Variants in PTPRF observed in about 807,000 individuals in gnomAD.
The protein encoded by PTPRF is protein tyrosine phosphatase receptor type F.
PTPRF carries 59 observed loss-of-function variants against 201.8 expected under a neutral mutation model. The ratio of observed to expected loss-of-function variants is 0.29; its 90% CI spans 0.24 to 0.36. PTPRF has a LOEUF of 0.36. Ranked by LOEUF, PTPRF falls within the 10% of genes least tolerant of loss-of-function variation. The pLI is 1.00. For missense variants in PTPRF, 2,132 were observed against 2,690.5 expected (o/e 0.79, Z 4.59); for synonymous variants, 1,088 against 1,089.7 (o/e 1.00, Z 0.03).
Position 43,591,957 on chromosome 1 carries a change from CG to C in PTPRF, c.1668+12del. On this transcript the variant is annotated intron_variant, in intron 10 of 33. Coordinates refer to ENST00000359947, the MANE Select transcript of PTPRF (RefSeq NM_002840.5). ...AGGACGAAGACCAACAGGTGTGCAG[CG>C]GGCAGAGAAGCACTGAGGGGGTCTC... The C allele has an allele frequency of 6.2e-7, 1 of 1,613,224 alleles. No homozygotes were observed. Among genetic ancestry groups the C allele is most frequent in the Non-Finnish European group, 8.5e-7 (1 of 1,179,694 alleles).
chr1:43,604,190 G>A lies in PTPRF; in HGVS notation c.3037+1G>A, dbSNP rs779903143. The A allele has an allele frequency of 6.2e-7, 1 of 1,612,842 alleles. No individual in the cohort carries two copies. The highest frequency in any genetic ancestry group is 8.5e-7 in the Non-Finnish European group (1 of 1,179,238). On this transcript the variant is annotated splice_donor_variant, in intron 16 of 33. Coordinates refer to ENST00000359947, the MANE Select transcript of PTPRF (RefSeq NM_002840.5). LOFTEE classifies it high-confidence loss of function. ...TCCCGGACCATGCCGGTGGAGCAAG[G>A]TGTGTGCTGTGGACATGGCATCCCT...
intron 22 of PTPRF, 76 bp from the exon 23 acceptor site, chr1:43,613,542 C>G (rs2154030601): frequency 5.9e-6 from 7 of 1,195,552 alleles, no homozygotes; most frequent in Non-Finnish European, 8.7e-6. Context: ...TGTGCACATA[C>G]ATGCGTTGGG....
At chr1:43,601,512 C>G (rs1653732015) in intron 13 of PTPRF, among the ~76,000 whole-genome samples, 2 of 152,250 alleles carry the variant, frequency 1.3e-5, no homozygotes, top group South Asian at 4.1e-4. Context: ...ACCCCCAACT[C>G]TTACTGTTGT....
upstream of PTPRF, among the ~76,000 whole-genome samples, chr1:43,530,535 G>A (rs1422119609): frequency 6.6e-6 from 1 of 152,136 alleles, no homozygotes; most frequent in Non-Finnish European, 1.5e-5. The surrounding 1 kb of genome is among the most constrained non-coding windows in gnomAD (Gnocchi z 4.1). Context: ...TCAATATTGG[G>A]TTTAGGGCAA....
At chr1:43,597,060 AGT>A (rs1373089563) in intron 11 of PTPRF, among the ~76,000 whole-genome samples, 1 of 151,926 alleles carries the variant, frequency 6.6e-6, no homozygotes, top group Non-Finnish European at 1.5e-5. Context: ...TGTATGTGAC[AGT>A]GTGTGTGTGA....
chr1:43,606,853 G>A lies in PTPRF; in HGVS notation c.3742G>A (p.Val1248Ile), dbSNP rs375842660. The A allele has an allele frequency of 1.2e-6, 2 of 1,614,094 alleles. No individual in the cohort carries two copies. Among genetic ancestry groups the A allele is most frequent in the South Asian group, 1.1e-5 (1 of 91,090 alleles). ...CAGCCCCTACTCGGATGAGATCGTG[G>A]TCCAGGTGACACCAGCCCAGCAGCA... ...ASSPYSDEIV[V>I]QVTPAQQQEE... The change falls in exon 21 of 34, where the codon GTC (valine) becomes ATC (isoleucine). Residue 1248 changes from valine (V) to isoleucine (I), a missense_variant. By Grantham distance (29) the Val-to-Ile change is conservative (BLOSUM62 3). Around this residue, in one of 6 missense-constraint regions of PTPRF, gnomAD observed 818 missense variants for 915.3 expected, o/e 0.89. Transcript: ENST00000359947.
At position 43,553,640 on chromosome 1, in the gene PTPRF, G is replaced by A. The variant is rs1645166620; in HGVS notation, c.237+3G>A. ...AAGTCAGCTCCCAGCGCTTCGAGGTGCGTCTGTGGTGGGAAGGGGTCGGCA... is the reference window on the plus strand; with the variant it reads ...AAGTCAGCTCCCAGCGCTTCGAGGTACGTCTGTGGTGGGAAGGGGTCGGCA... On this transcript the variant is annotated splice_donor_region_variant and intron_variant, in intron 4 of 33. Coordinates refer to ENST00000359947, the MANE Select transcript of PTPRF (RefSeq NM_002840.5). This position sits in a 1 kb window ranked among gnomAD's most constrained non-coding sequence, Gnocchi z 4.1. The A allele has an allele frequency of 1.9e-6, 3 of 1,613,958 alleles. No individual in the cohort carries two copies. The highest frequency in any genetic ancestry group is 3.3e-4 in the Middle Eastern group (2 of 6,082).
At chr1:43,547,468 G>C (rs1014271197) in intron 3 of PTPRF, among the ~76,000 whole-genome samples, 4 of 152,224 alleles carry the variant, frequency 2.6e-5, no homozygotes, top group Non-Finnish European at 4.4e-5. Context: ...CAGGAGCCAG[G>C]GTCTGTCTTC....
chr1:43,558,848 T>G (rs1392888273), intron 5 of PTPRF, among the ~76,000 whole-genome samples: 1 of 151,982 alleles, frequency 6.6e-6, no homozygotes, highest in Non-Finnish European at 1.5e-5. Flanking sequence ...AGTCTGTAAG[T>G]CATGGATTCA....
chr1:43,569,725 T>A lies in PTPRF; in HGVS notation c.515T>A (p.Phe172Tyr). Residue 172 changes from phenylalanine (F) to tyrosine (Y), a missense_variant, in exon 6 of 34, where the codon TTC becomes TAC. This residue lies in a region of PTPRF where 297 missense variants were observed against 454.0 expected (regional missense o/e 0.65). Coordinates refer to ENST00000359947, the MANE Select transcript of PTPRF (RefSeq NM_002840.5). ...PDPEISWFKD[F>Y]LPVDPATSNG... The stretch of plus-strand genomic sequence containing the variant: ...CCTGAGATTTCTTGGTTCAAGGACT[T>A]CCTTCCTGTAGACCCTGCCACGAGC... 1.2e-6 allele frequency: 2 copies of A among 1,613,924 alleles called. No homozygotes were observed. The highest frequency in any genetic ancestry group is 1.7e-6 in the Non-Finnish European group (2 of 1,179,898).
At chr1:43,538,045 AT>A (rs1644132133) in intron 1 of PTPRF, among the ~76,000 whole-genome samples, 152 bp from the exon 2 acceptor site, 1 of 152,088 alleles carries the variant, frequency 6.6e-6, no homozygotes, top group Admixed American at 6.5e-5. Context: ...AAAGATGGGC[AT>A]TTTTACCAGA....
chr1:43,590,933 T>G lies in PTPRF; in HGVS notation c.950-39T>G, dbSNP rs190598697. 8 of 1,553,328 alleles carry G rather than the reference T, an allele frequency of 5.2e-6. No individual in the cohort carries two copies. The East Asian group carries it at 1.8e-4, about 35-fold the overall frequency. ...GTCTAGGGTTGGTTCCTAAGGATCT[T>G]GACCTCGGGCAGCTTTGAGCCTTCC... is the stretch of plus-strand genomic sequence containing the variant. On this transcript the variant is annotated intron_variant, in intron 8 of 33. Transcript: ENST00000359947.
At chr1:43,572,966 C>A (rs935234349) in intron 6 of PTPRF, among the ~76,000 whole-genome samples, 1 of 152,112 alleles carries the variant, frequency 6.6e-6, no homozygotes, top group South Asian at 2.1e-4. Context: ...CCCAGGCCCC[C>A]ACTGACCAGT....
chr1:43,614,876 C>T (rs1040579066), intron 23 of PTPRF, among the ~76,000 whole-genome samples: 1 of 151,428 alleles, frequency 6.6e-6, no homozygotes, highest in African/African-American at 2.4e-5. Context: ...AAAAAAAACT[C>T]TTAAAAAAGA....
In PTPRF at chr1:43,554,317, G is replaced by A. The variant is rs953093125; in HGVS notation, c.379+376G>A. On this transcript the variant is annotated intron_variant, in intron 5 of 33. Coordinates refer to ENST00000359947, the MANE Select transcript of PTPRF (RefSeq NM_002840.5). This position sits in a 1 kb window ranked among gnomAD's most constrained non-coding sequence, Gnocchi z 4.1. ...TGTGGAGCCTGGCCGTAGGTGTCAG[G>A]CAGGTGTGTTCCTTGTTGCCCCTGT... 2.0e-5 allele frequency among the ~76,000 whole-genome samples: 3 copies of A among 152,194 alleles called. No individual in the cohort carries two copies. Among genetic ancestry groups the A allele is most frequent in the Non-Finnish European group, 4.4e-5 (3 of 68,044 alleles).
chr1:43,593,409 A>T (rs955665810), intron 11 of PTPRF, among the ~76,000 whole-genome samples: 1 of 151,998 alleles, frequency 6.6e-6, no homozygotes, highest in Non-Finnish European at 1.5e-5. Context: ...CCCCCCAGAC[A>T]GTAGACTGTG....
At chr1:43,527,234 G>A (rs950561523), upstream of PTPRF, among the ~76,000 whole-genome samples, 2 of 152,244 alleles carry the variant, frequency 1.3e-5, no homozygotes, top group East Asian at 1.9e-4. Context: ...GGTGCCACTC[G>A]GCCTTCACAG....
intron 20 of PTPRF, 23 bp downstream of exon 20, chr1:43,606,481 G>C (rs1228856379): frequency 3.8e-6 from 6 of 1,595,960 alleles, no homozygotes; most frequent in Non-Finnish European, 4.3e-6. Flanking sequence ...CGGCTTGGCT[G>C]TCAGCACCCT....
chr1:43,565,694 G>C (rs1323405462), intron 5 of PTPRF, among the ~76,000 whole-genome samples: 1 of 148,022 alleles, frequency 6.8e-6, no homozygotes, highest in African/African-American at 2.7e-5. Context: ...CACCCGGTTG[G>C]GGGTGGAGGG....
Sources: allele counts gnomAD v4.1 joint callset (sites outside exome capture counted in the v4.1 genomes callset), GRCh38; gene constraint gnomAD v4.1.1; regional missense constraint gnomAD v4.1.1; non-coding constraint Gnocchi (gnomAD v3.1); transcripts MANE v1.5; gene names NCBI Gene and HGNC (gene_info 2026-07-23, HGNC 2026-07-21).